The following SORCS3 variants were observed in gnomAD, a reference collection of about 807,000 sequenced individuals.
The protein encoded by SORCS3 is sortilin related VPS10 domain containing receptor 3.
In SORCS3, 57 loss-of-function variants were observed where a neutral mutation model predicts 146.3. That is an observed-to-expected ratio of 0.39 (90% CI 0.31 to 0.49). The LOEUF (loss-of-function observed/expected upper bound fraction) is 0.49, where lower values mean the gene tolerates loss of function less well. SORCS3 is among the 20% of genes least tolerant of loss of function. The probability of loss-of-function intolerance (pLI) is 0.92; values close to 1 mark genes in which losing one functional copy is unlikely to be tolerated. For synonymous variants in SORCS3, 653 were observed against 618.5 expected (o/e 1.06, Z -0.83); for missense variants, 1,341 against 1,575.5 (o/e 0.85, Z 2.52).
rs1424392798 is a variant in SORCS3, at chr10:105,247,273, C to T, written c.3047C>T (p.Pro1016Leu). The change falls in exon 22 of 27, where the codon CCT becomes CTT. Residue 1016 changes from proline (P) to leucine (L), a missense_variant. Pro to Leu is a moderately conservative substitution (Grantham distance 98, BLOSUM62 -3). Transcript: ENST00000369701. The part of the protein sequence containing the change: ...SFSPNLDYHN[P>L]DIPEWRKDIG... ...TCTCCTAATCTGGATTACCACAATC[C>T]TGACATTCCTGAGTGGAGAAAAGAT... 1 of 1,613,108 alleles carries T rather than the reference C, an allele frequency of 6.2e-7. No homozygotes were observed. The highest frequency in any genetic ancestry group is 1.7e-5 in the Admixed American group (1 of 59,994).
At chr10:104,801,220 T>A (rs1323343673) in intron 1 of SORCS3, among the ~76,000 whole-genome samples, 1 of 152,172 alleles carries the variant, frequency 6.6e-6, no homozygotes, top group East Asian at 1.9e-4. Flanking sequence ...AATGGGGGAA[T>A]CAAGAGGGCC....
chr10:105,174,905 C>G (rs1344847445), intron 13 of SORCS3, among the ~76,000 whole-genome samples: 3 of 152,152 alleles, frequency 2.0e-5, no homozygotes, highest in Non-Finnish European at 2.9e-5. Context: ...CGTGTCGGCT[C>G]TCTGTGTGTC....
intron 13 of SORCS3, among the ~76,000 whole-genome samples, chr10:105,170,532 C>G (rs1052109751): frequency 3.9e-5 from 6 of 152,110 alleles, no homozygotes; most frequent in Admixed American, 1.3e-4. Flanking sequence ...ATTTTTCAAA[C>G]TAAGCTTTTG....
intron 19 of SORCS3, among the ~76,000 whole-genome samples, chr10:105,221,482 T>C (rs536187405): frequency 4.1e-4 from 63 of 152,334 alleles, no homozygotes; most frequent in African/African-American, 1.4e-3. Context: ...CATATGTTCT[T>C]ATTAATATAA....
At position 105,262,481 on chromosome 10, in the gene SORCS3, G is replaced by A. The variant is rs148855365; in HGVS notation, c.3594G>A (p.Thr1198=). Residue 1198 remains threonine (T), a synonymous_variant, in exon 26 of 27, where the codon ACG becomes ACA. Coordinates refer to ENST00000369701, the MANE Select transcript of SORCS3 (RefSeq NM_014978.3). Reference sequence around the variant, plus strand: ...AGCTGCTGGACAAAGAGCTGGACACGCGGGTCATAGGTACATGCTCCTGCT... The same window carrying A: ...AGCTGCTGGACAAAGAGCTGGACACACGGGTCATAGGTACATGCTCCTGCT... The part of the protein sequence containing the change: ...PEELLDKELD[T]RVIGGIATIA... 5.6e-6 allele frequency: 9 copies of A among 1,613,296 alleles called. No individual in the cohort carries two copies. The highest frequency in any genetic ancestry group is 1.7e-4 in the Middle Eastern group (1 of 5,852).
chr10:105,106,935 C>T (rs1057422033), intron 7 of SORCS3, among the ~76,000 whole-genome samples: 4 of 152,142 alleles, frequency 2.6e-5, no homozygotes, highest in Non-Finnish European at 4.4e-5. Flanking sequence ...AGTTTCTGCC[C>T]TTGACCTGCT....
chr10:104,967,483 G>A (rs778740528), intron 3 of SORCS3, among the ~76,000 whole-genome samples: 6 of 152,004 alleles, frequency 3.9e-5, no homozygotes, highest in Non-Finnish European at 5.9e-5. Context: ...ATTTCATCTT[G>A]TGTGACTGAA....
At chr10:104,859,697 A>C (rs1051370392) in intron 2 of SORCS3, among the ~76,000 whole-genome samples, 1 of 152,196 alleles carries the variant, frequency 6.6e-6, no homozygotes, top group South Asian at 2.1e-4. Flanking sequence ...TCCAGAATCT[A>C]CAATGAACTC....
chr10:105,187,548 T>G (rs142404172), intron 14 of SORCS3, among the ~76,000 whole-genome samples: 1 of 152,196 alleles, frequency 6.6e-6, no homozygotes, highest in Non-Finnish European at 1.5e-5. Context: ...ACAACTATGC[T>G]CTTTCTACTT....
At chr10:105,037,710 A>G (rs2055315410) in intron 4 of SORCS3, among the ~76,000 whole-genome samples, 1 of 152,216 alleles carries the variant, frequency 6.6e-6, no homozygotes, top group African/African-American at 2.4e-5. Flanking sequence ...TAACTTGATT[A>G]CATCTGCAAA....
At chr10:104,963,701 C>T (rs371216186) in intron 3 of SORCS3, among the ~76,000 whole-genome samples, 157 of 152,102 alleles carry the variant, frequency 1.0e-3, no homozygotes, top group Non-Finnish European at 1.6e-3. Context: ...TTCTACTTAA[C>T]GTCTCTGTTT....
At chr10:104,874,365 C>T (rs1203160270) in intron 2 of SORCS3, among the ~76,000 whole-genome samples, 2 of 152,116 alleles carry the variant, frequency 1.3e-5, no homozygotes, top group Non-Finnish European at 1.5e-5. Context: ...CATTGTCATT[C>T]CAGTTGACAT....
chr10:104,923,572 C>T (rs751096056), intron 3 of SORCS3, among the ~76,000 whole-genome samples: 1 of 152,178 alleles, frequency 6.6e-6, no homozygotes, highest in African/African-American at 2.4e-5. Context: ...ACACGCATTA[C>T]CCAGGGACGC....
chr10:104,804,835 G>T (rs2133512896), intron 1 of SORCS3, among the ~76,000 whole-genome samples: 1 of 152,312 alleles, frequency 6.6e-6, no homozygotes, highest in East Asian at 1.9e-4. Flanking sequence ...TGGAAAGACT[G>T]GTGATGGACT....
At chr10:104,841,662 A>G (rs1416706060) in intron 1 of SORCS3, among the ~76,000 whole-genome samples, 1 of 152,124 alleles carries the variant, frequency 6.6e-6, no homozygotes, top group Non-Finnish European at 1.5e-5. Flanking sequence ...ATAATGGCTG[A>G]TTATTTTTCT....
chr10:104,874,089 A>G (rs1483622812), intron 2 of SORCS3, among the ~76,000 whole-genome samples: 1 of 152,198 alleles, frequency 6.6e-6, no homozygotes, highest in Non-Finnish European at 1.5e-5. Context: ...CTTATCCTGA[A>G]CATGGCCAAG....
At chr10:105,171,094 T>C (rs188869547) in intron 13 of SORCS3, among the ~76,000 whole-genome samples, 5 of 152,296 alleles carry the variant, frequency 3.3e-5, no homozygotes, top group Admixed American at 6.5e-5. Context: ...CACTGGGATG[T>C]AGTGGCTCTC....
intron 5 of SORCS3, among the ~76,000 whole-genome samples, chr10:105,076,690 C>T (rs1459711053): frequency 2.0e-5 from 3 of 152,152 alleles, no homozygotes; most frequent in Non-Finnish European, 2.9e-5. Flanking sequence ...TGGAACTGTT[C>T]GTTGGAGCTA....
chr10:104,964,483 A>G (rs2054815590), intron 3 of SORCS3, among the ~76,000 whole-genome samples: 1 of 152,098 alleles, frequency 6.6e-6, no homozygotes, highest in Non-Finnish European at 1.5e-5. Context: ...TCTGTTGTTT[A>G]TTCTTCCTTC....
Sources: gnomAD v4.1 joint callset for allele counts (sites outside exome capture counted in the v4.1 genomes callset) on GRCh38, gnomAD v4.1.1 for gene constraint, MANE v1.5 for transcripts, NCBI Gene and HGNC (gene_info 2026-07-23, HGNC 2026-07-21) for gene names.